Variants in LIMS1 observed in about 807,000 individuals in gnomAD.
The protein encoded by LIMS1 is LIM zinc finger domain containing 1, also known as LIM and senescent cell antigen-like-containing domain protein 1.
A neutral mutation model predicts 44.1 loss-of-function variants in LIMS1; 18 were observed. The observed-to-expected ratio is 0.41, with a 90% CI of 0.28 to 0.61. The LOEUF (loss-of-function observed/expected upper bound fraction) is 0.61. Ranked by LOEUF, LIMS1 falls within the 20% of genes least tolerant of loss-of-function variation. The pLI is 0.32. For synonymous variants in LIMS1, 93 were observed against 149.1 expected, an observed-to-expected ratio of 0.62 and a Z score of 2.74; for missense variants, 201 against 422.0, an observed-to-expected ratio of 0.48 and a Z score of 4.59.
intron 1 of LIMS1, among the ~76,000 whole-genome samples, chr2:108,652,432 T>C (rs1690562608): frequency 2.0e-5 from 3 of 152,276 alleles, no homozygotes. Context: ...TGAAAAGCCT[T>C]AAGATGTCAC....
intron 1 of LIMS1, among the ~76,000 whole-genome samples, chr2:108,591,130 G>T (rs1191713964): frequency 6.6e-6 from 1 of 152,108 alleles, no homozygotes; most frequent in East Asian, 1.9e-4. Flanking sequence ...TGTAGAGAAT[G>T]GATTAGAAGG....
intron 1 of LIMS1, among the ~76,000 whole-genome samples, chr2:108,577,826 GAAAT>G (rs1481185545): frequency 1.3e-5 from 2 of 152,158 alleles, no homozygotes; most frequent in African/African-American, 2.4e-5. Flanking sequence ...TTTTTTCTGA[GAAAT>G]AAAGTCTTGC....
chr2:108,648,464 A>T (rs543175962), intron 1 of LIMS1, among the ~76,000 whole-genome samples: 566 of 152,314 alleles, frequency 3.7e-3, no homozygotes, highest in Non-Finnish European at 6.1e-3. Context: ...ACTACTTTGA[A>T]TTTCACATGG....
In LIMS1 at chr2:108,634,802, C is replaced by T. The variant is rs112266033; in HGVS notation, c.33-24803C>T. Among the ~76,000 whole-genome samples, 603 of 152,366 alleles carry T rather than the reference C, an allele frequency of 4.0e-3. 1 individual carries two copies. Among genetic ancestry groups the T allele is most frequent in the African/African-American group, 0.012 (491 of 41,586 alleles). On this transcript the variant is annotated intron_variant, in intron 1 of 9. Transcript: ENST00000544547. Reference sequence around the variant, plus strand: ...CAGTAAAGCTTCACAGAAGCCCTCACGGCCAGGCGCAGCAGAGCACAGCGA... The same window carrying T: ...CAGTAAAGCTTCACAGAAGCCCTCATGGCCAGGCGCAGCAGAGCACAGCGA...
At chr2:108,602,363 C>T (rs907067224) in intron 1 of LIMS1, among the ~76,000 whole-genome samples, 3 of 152,178 alleles carry the variant, frequency 2.0e-5, no homozygotes, top group Admixed American at 1.3e-4. Flanking sequence ...GCATCCTTGT[C>T]GTGTTCCAGA....
intron 1 of LIMS1, among the ~76,000 whole-genome samples, chr2:108,561,488 G>A (rs1460382291): frequency 1.3e-5 from 2 of 152,060 alleles, no homozygotes; most frequent in East Asian, 3.9e-4. Context: ...TGTGTGTTAG[G>A]GGTGGGGGTG....
chr2:108,535,077 A>G lies in LIMS1; in HGVS notation c.32+483A>G, dbSNP rs140478198. Among the ~76,000 whole-genome samples the G allele has an allele frequency of 3.4e-3, 512 of 152,306 alleles. 2 individuals carry two copies. Among genetic ancestry groups the G allele is most frequent in the African/African-American group, 0.011 (469 of 41,566 alleles). On this transcript the variant is annotated intron_variant, in intron 1 of 9. Coordinates refer to ENST00000544547, the Ensembl canonical transcript of LIMS1. ...AACGTACATACCACATTTTTATGCA[A>G]CATAGGGTTTTGCTAAAACAAAAGA...
intron 1 of LIMS1, among the ~76,000 whole-genome samples, chr2:108,588,921 A>G (rs2104676741): frequency 6.6e-6 from 1 of 152,358 alleles, no homozygotes; most frequent in East Asian, 1.9e-4. Flanking sequence ...TTGCAAAGAA[A>G]AATTTAAAAA....
chr2:108,645,846 C>G (rs1465127896), intron 1 of LIMS1, among the ~76,000 whole-genome samples: 1 of 150,504 alleles, frequency 6.6e-6, no homozygotes, highest in Non-Finnish European at 1.5e-5. Context: ...CCAGGAGTTG[C>G]AATCCTAGTC....
intron 1 of LIMS1, among the ~76,000 whole-genome samples, chr2:108,550,933 C>A (rs1280671822): frequency 6.6e-6 from 1 of 151,916 alleles, no homozygotes; most frequent in African/African-American, 2.4e-5. Flanking sequence ...CCAGCCTGGG[C>A]AACATAACAA....
intron 1 of LIMS1, among the ~76,000 whole-genome samples, chr2:108,640,011 G>T (rs1486510511): frequency 1.3e-5 from 2 of 152,206 alleles, no homozygotes; most frequent in African/African-American, 2.4e-5. Flanking sequence ...ATTTGTTAGT[G>T]TTCTGCTTTT....
intron 1 of LIMS1, among the ~76,000 whole-genome samples, chr2:108,635,110 A>T (rs776558107): frequency 1.3e-5 from 2 of 152,108 alleles, no homozygotes; most frequent in African/African-American, 4.8e-5. Context: ...CAATGAGTCC[A>T]TGTGTGGCCT....
intron 1 of LIMS1, among the ~76,000 whole-genome samples, chr2:108,635,877 TA>T (rs1245249133): frequency 8.5e-5 from 13 of 152,216 alleles, no homozygotes; most frequent in African/African-American, 3.1e-4. Context: ...TTTAAATTCC[TA>T]AGTGACATCT....
chr2:108,658,770 G>A (rs1328111770), intron 1 of LIMS1, among the ~76,000 whole-genome samples: 1 of 152,308 alleles, frequency 6.6e-6, no homozygotes, highest in Non-Finnish European at 1.5e-5. Context: ...TGACAACCTG[G>A]TGTCACTTTC....
chr2:108,572,693 T>C (rs1266175969), intron 1 of LIMS1, among the ~76,000 whole-genome samples: 4 of 152,176 alleles, frequency 2.6e-5, no homozygotes, highest in Non-Finnish European at 5.9e-5. Context: ...CTGACTCTTT[T>C]GCTCTTGATG....
chr2:108,578,830 G>C (rs563459121), intron 1 of LIMS1, among the ~76,000 whole-genome samples: 3 of 151,986 alleles, frequency 2.0e-5, no homozygotes, highest in Admixed American at 2.0e-4. Flanking sequence ...TCCTGACCTC[G>C]TGATCTGTCT....
At chr2:108,600,543 G>T (rs1686950104) in intron 1 of LIMS1, among the ~76,000 whole-genome samples, 1 of 152,142 alleles carries the variant, frequency 6.6e-6, no homozygotes. Context: ...TTTGATTTTT[G>T]TTTATGGTGA....
At chr2:108,622,972 GAT>G (rs1491229743) in intron 1 of LIMS1, among the ~76,000 whole-genome samples, 6 of 115,112 alleles carry the variant, frequency 5.2e-5, no homozygotes, top group Non-Finnish European at 1.1e-4. Context: ...CAAACAACTA[GAT>G]TTTTTTTTTT....
intron 1 of LIMS1, among the ~76,000 whole-genome samples, chr2:108,619,045 C>G (rs1241897182): frequency 1.3e-5 from 2 of 152,056 alleles, no homozygotes; most frequent in Non-Finnish European, 2.9e-5. Flanking sequence ...TCCCCCGCCC[C>G]GTCTAACCCC....
Sources: allele counts gnomAD v4.1 joint callset (sites outside exome capture counted in the v4.1 genomes callset), GRCh38; gene constraint gnomAD v4.1.1; transcripts MANE v1.5; gene names NCBI Gene and HGNC (gene_info 2026-07-23, HGNC 2026-07-21).